The following EPS15L1 variants were observed in gnomAD, a reference collection of about 807,000 sequenced individuals.
EPS15L1 encodes the protein epidermal growth factor receptor substrate 15-like 1.
A neutral mutation model predicts 117.1 loss-of-function variants in EPS15L1; 43 were observed. The observed-to-expected ratio is 0.37, with a 90% CI of 0.29 to 0.47. EPS15L1 has a LOEUF of 0.47. Among genes scored for constraint, EPS15L1 ranks in the 20% least tolerant of loss-of-function variants. The probability of loss-of-function intolerance (pLI) is 0.99; values close to 1 mark genes in which losing one functional copy is unlikely to be tolerated. For synonymous variants in EPS15L1, 459 were observed against 470.5 expected (o/e 0.98, Z 0.32); for missense variants, 981 against 1,164.0 (o/e 0.84, Z 2.29).
intron 16 of EPS15L1, among the ~76,000 whole-genome samples, chr19:16,398,440 G>A (rs1024120597): frequency 1.2e-4 from 18 of 152,220 alleles, no homozygotes; most frequent in Admixed American, 7.8e-4. Context: ...AGACACACAC[G>A]CCCAGCAAGC....
At chr19:16,424,785 C>T (rs1048967040) in intron 9 of EPS15L1, among the ~76,000 whole-genome samples, 5 of 151,994 alleles carry the variant, frequency 3.3e-5, no homozygotes, top group East Asian at 3.9e-4. Flanking sequence ...CTCAGCCTCC[C>T]GAGTGGCTGG....
intron 10 of EPS15L1, among the ~76,000 whole-genome samples, chr19:16,420,794 G>A (rs1480233457): frequency 6.6e-6 from 1 of 152,242 alleles, no homozygotes; most frequent in Admixed American, 6.5e-5. Flanking sequence ...CCAGCCCTGG[G>A]GGAAAGAGGG....
chr19:16,452,228 C>T (rs532257572), intron 1 of EPS15L1, among the ~76,000 whole-genome samples: 8 of 151,754 alleles, frequency 5.3e-5, no homozygotes, highest in Non-Finnish European at 1.2e-4. Flanking sequence ...GGTAGATCAC[C>T]TGAGGTCAGG....
intron 1 of EPS15L1, among the ~76,000 whole-genome samples, chr19:16,453,756 T>C (rs567357880): frequency 1.3e-5 from 2 of 152,006 alleles, no homozygotes; most frequent in East Asian, 3.9e-4. Context: ...CTATGTTCAC[T>C]ACCAGGGTGA....
chr19:16,367,622 G>A (rs913488435), intron 22 of EPS15L1, among the ~76,000 whole-genome samples: 3 of 151,504 alleles, frequency 2.0e-5, no homozygotes, highest in African/African-American at 4.8e-5. Flanking sequence ...ACCCGGGATC[G>A]GGGCTGTGAT....
At chr19:16,394,191 G>A (rs2092515003) in intron 17 of EPS15L1, among the ~76,000 whole-genome samples, 190 bp from the exon 18 acceptor site, 1 of 152,178 alleles carries the variant, frequency 6.6e-6, no homozygotes, top group South Asian at 2.1e-4. Context: ...GGGGGACCTG[G>A]AGGAGGCAGC....
chr19:16,359,103 C>T (rs1434522792), intron 23 of EPS15L1, among the ~76,000 whole-genome samples: 1 of 152,136 alleles, frequency 6.6e-6, no homozygotes, highest in Non-Finnish European at 1.5e-5. Context: ...TGACCTGGGC[C>T]CCCCTGACTG....
rs1180763936 is a variant in EPS15L1 at position 16,385,075 on chromosome 19, C to A, written c.2247+54G>T. On this transcript the variant is annotated intron_variant, in intron 21 of 23. Coordinates refer to ENST00000455140, the MANE Select transcript of EPS15L1 (RefSeq NM_001258374.3). ...TTACGCCTGGCAGCCCACACCATGA[C>A]AAGAGGCACAAAGACACTAGCAGAG... 5 of 1,392,468 alleles carry A rather than the reference C, an allele frequency of 3.6e-6. No homozygotes were observed. The African/African-American group carries it at 5.7e-5, about 16-fold the overall frequency. The allele number at this position is 1,392,468 out of a possible 1,614,324, so 86.3% of individuals were successfully genotyped here.
At chr19:16,374,758 C>T (rs908337618) in intron 22 of EPS15L1, among the ~76,000 whole-genome samples, 2 of 152,194 alleles carry the variant, frequency 1.3e-5, no homozygotes, top group African/African-American at 2.4e-5. Context: ...CGGCACTGCT[C>T]GGCAAGTGTG....
rs1279624550 is a variant in EPS15L1, at chr19:16,405,198, A to C, written c.1267-449T>G. Among the ~76,000 whole-genome samples, 1 of 152,208 alleles carries C rather than the reference A, an allele frequency of 6.6e-6. No homozygotes were observed. The highest frequency in any genetic ancestry group is 2.4e-5 in the African/African-American group (1 of 41,448). ...TTTAGGATGGGGCCAACAGGTGAGC[A>C]GGTGCCAGGCAGGTGAAGAGCCAGG... On this transcript the variant is annotated intron_variant, in intron 13 of 23. Coordinates refer to ENST00000455140, the MANE Select transcript of EPS15L1 (RefSeq NM_001258374.3). This position sits in a 1 kb window ranked among gnomAD's most constrained non-coding sequence, Gnocchi z 4.0.
rs148521148 is a variant in EPS15L1 at position 16,439,641 on chromosome 19, T to C, written c.213+1221A>G. Among the ~76,000 whole-genome samples, 974 of 152,088 alleles carry C rather than the reference T, an allele frequency of 6.4e-3. 8 individuals carry two copies. The highest frequency in any genetic ancestry group is 0.022 in the African/African-American group (907 of 41,486). On this transcript the variant is annotated intron_variant, in intron 4 of 23. Transcript: ENST00000455140. ...AGAAGATCGAGGCTGCAGTAAGCAG[T>C]GATCGCACCACTGCACTCCAGCCTG...
intron 20 of EPS15L1, 128 bp from the exon 21 acceptor site, chr19:16,385,339 C>T (rs1201829517): frequency 3.9e-6 from 3 of 759,680 alleles, no homozygotes; most frequent in Non-Finnish European, 6.7e-6. Flanking sequence ...TCATTAGACA[C>T]GTGTGTCTGC....
rs771560358 is a variant in EPS15L1 at position 16,361,903 on chromosome 19, C to G, written c.2462G>C (p.Ser821Thr). The G allele has an allele frequency of 1.2e-6, 2 of 1,614,166 alleles. No individual in the cohort carries two copies. Among genetic ancestry groups the G allele is most frequent in the Admixed American group, 1.7e-5 (1 of 60,024 alleles). Reference protein sequence around the residue: ...PDPFQPLGADSGDPFQSKKGF... With the variant: ...PDPFQPLGADTGDPFQSKKGF... ...CTTTTTACTTTGGAACGGGTCGCCG[C>G]TGTCAGCCCCGAGTGGCTGGAATGG... The change falls in exon 23 of 24, where the codon AGC becomes ACC. Residue 821 changes from serine to threonine, a missense_variant. Ser to Thr is a moderately conservative substitution (Grantham distance 58). Around this residue, in one of 5 missense-constraint regions of EPS15L1, gnomAD observed 819 missense variants for 949.0 expected, o/e 0.86. Coordinates refer to ENST00000455140, the MANE Select transcript of EPS15L1 (RefSeq NM_001258374.3).
chr19:16,447,009 G>C (rs574180864), intron 1 of EPS15L1, among the ~76,000 whole-genome samples: 3 of 152,312 alleles, frequency 2.0e-5, no homozygotes, highest in Admixed American at 6.5e-5. Flanking sequence ...CAAAAACATA[G>C]CCCGGAGTAG....
At chr19:16,367,497 TA>T (rs71178691) in intron 22 of EPS15L1, among the ~76,000 whole-genome samples, 2,007 of 65,280 alleles carry the variant, frequency 0.031, 28 homozygotes, top group Admixed American at 0.099. Context: ...TATGTGCTGT[TA>T]AAAAAAAAAA....
At chr19:16,393,124 T>TAATAAA (rs1042482086) in intron 18 of EPS15L1, among the ~76,000 whole-genome samples, 6 of 125,722 alleles carry the variant, frequency 4.8e-5, no homozygotes, top group African/African-American at 1.4e-4. Context: ...ATAATAATAA[T>TAATAAA]AAACAACGCA....
In EPS15L1 at chr19:16,365,195, G is replaced by C. The variant is rs553255118; in HGVS notation, c.2381-3211C>G. 2.0e-5 allele frequency among the ~76,000 whole-genome samples: 3 copies of C among 152,378 alleles called. No homozygotes were observed. The highest frequency in any genetic ancestry group is 7.2e-5 in the African/African-American group (3 of 41,592). ...GGGCTGGGAGTGGCCCTGGAAGACG[G>C]TGTGGGGCATGGCGGCCACCCCCCT... On this transcript the variant is annotated intron_variant, in intron 22 of 23. Coordinates refer to ENST00000455140, the MANE Select transcript of EPS15L1 (RefSeq NM_001258374.3). This position sits in a 1 kb window ranked among gnomAD's most constrained non-coding sequence, Gnocchi z 4.9.
chr19:16,371,057 G>A lies in EPS15L1; in HGVS notation c.2380+6065C>T, dbSNP rs1290566940. On this transcript the variant is annotated intron_variant, in intron 22 of 23. Coordinates refer to ENST00000455140, the MANE Select transcript of EPS15L1 (RefSeq NM_001258374.3). The surrounding 1 kb of genome is among the most constrained non-coding windows in gnomAD (Gnocchi z 4.7). ...CTGAGATCATCGTGGGAACGAAATTGAAGTAGTTAAGTTCAAGGCTGAGGT... is the reference window on the plus strand; with the variant it reads ...CTGAGATCATCGTGGGAACGAAATTAAAGTAGTTAAGTTCAAGGCTGAGGT... 6.6e-6 allele frequency among the ~76,000 whole-genome samples: 1 copy of A among 152,242 alleles called. No individual in the cohort carries two copies. The highest frequency in any genetic ancestry group is 1.5e-5 in the Non-Finnish European group (1 of 68,040).
At chr19:16,412,979 C>T in intron 13 of EPS15L1, 1 of 675,686 alleles carries the variant, frequency 1.5e-6, no homozygotes, top group South Asian at 1.5e-5. Flanking sequence ...AGATCATTGA[C>T]TTTTGCCTGG....
Sources: allele counts gnomAD v4.1 joint callset (sites outside exome capture counted in the v4.1 genomes callset), GRCh38; gene constraint gnomAD v4.1.1; regional missense constraint gnomAD v4.1.1; non-coding constraint Gnocchi (gnomAD v3.1); transcripts MANE v1.5; gene names NCBI Gene and HGNC (gene_info 2026-07-23, HGNC 2026-07-21).